The following CLNK variants were observed in gnomAD, a reference collection of about 807,000 sequenced individuals.
The protein encoded by CLNK is cytokine dependent hematopoietic cell linker, also known as cytokine-dependent hematopoietic cell linker.
A neutral mutation model predicts 68.6 loss-of-function variants in CLNK; 74 were observed. That is an observed-to-expected ratio of 1.08 (90% confidence interval 0.89 to 1.31). CLNK has a LOEUF of 1.31. CLNK is among the 50% of genes most tolerant of loss of function. The probability of loss-of-function intolerance (pLI) is 0.00; values close to 1 mark genes in which losing one functional copy is unlikely to be tolerated. For missense variants in CLNK, 553 were observed against 515.3 expected, an observed-to-expected ratio of 1.07 and a Z score of -0.71; for synonymous variants, 198 against 172.2, an observed-to-expected ratio of 1.15 and a Z score of -1.17.
At chr4:10,596,467 G>C (rs1318282605) in intron 3 of CLNK, among the ~76,000 whole-genome samples, 1 of 152,154 alleles carries the variant, frequency 6.6e-6, no homozygotes, top group Non-Finnish European at 1.5e-5. Flanking sequence ...CCCATAAGTA[G>C]CTTCTTCCTT....
intron 4 of CLNK, 41 bp from the exon 5 acceptor site, chr4:10,571,819 G>A: frequency 1.3e-6 from 2 of 1,544,912 alleles, no homozygotes; most frequent in Non-Finnish European, 1.8e-6. Flanking sequence ...TAATCACTGT[G>A]GTAGCTCCAA....
rs1193724657 is a variant in CLNK, at chr4:10,579,742, G to A, written c.112+5185C>T. On this transcript the variant is annotated intron_variant, in intron 4 of 18. Transcript: ENST00000226951. ...ACCCAAACTTGGTGATTCCCACCCT[G>A]TTCTTCTTGCCCTTGTCCCCACATG... is the stretch of plus-strand genomic sequence containing the variant. Among the ~76,000 whole-genome samples the A allele has an allele frequency of 2.0e-5, 3 of 152,192 alleles. 1 individual carries two copies. Among genetic ancestry groups the A allele is most frequent in the Admixed American group, 2.0e-4 (3 of 15,274 alleles).
the CLNK span, among the ~76,000 whole-genome samples, chr4:10,699,519 T>G: frequency 7.5e-6 from 1 of 132,988 alleles, no homozygotes; most frequent in South Asian, 2.4e-4. Context: ...TATATTTTTT[T>G]TTTTTTTTTT....
In CLNK at chr4:10,489,661, C is replaced by T. The variant is rs1055007803; in HGVS notation, c.*806G>A. 1.0e-5 allele frequency: 1 copy of T among 96,964 alleles called. No individual in the cohort carries two copies. The highest frequency in any genetic ancestry group is 2.3e-5 in the Non-Finnish European group (1 of 44,180). The allele number at this position is 96,964 out of a possible 1,614,324, so 6.0% of individuals were successfully genotyped here. A position where few individuals can be genotyped will look rare whatever the true frequency, so the allele number is the denominator to read the frequency against. On this transcript the variant is annotated 3_prime_UTR_variant, in exon 19 of 19. Transcript: ENST00000226951. ...ATAAAAGAGAGCTAATATTCACCAA[C>T]CCAACACCTTTTTTTTTTTTTGAGA...
intron 13 of CLNK, among the ~76,000 whole-genome samples, chr4:10,527,126 C>T (rs559577699): frequency 2.6e-5 from 4 of 152,174 alleles, no homozygotes; most frequent in Admixed American, 6.5e-5. Flanking sequence ...AGTATCTGCC[C>T]CTCTTGAGCT....
Position 10,592,042 on chromosome 4 carries a change from C to A in CLNK, c.83+5936G>T, listed in dbSNP as rs938524228. Reference sequence around the variant, plus strand: ...CGAGTGAGGCTCCCACCTCCTCAGACCCTGCCCTGCCGGGGCCTGTCTGGT... The same window carrying A: ...CGAGTGAGGCTCCCACCTCCTCAGAACCTGCCCTGCCGGGGCCTGTCTGGT... On this transcript the variant is annotated intron_variant, in intron 3 of 18. Transcript: ENST00000226951. 3.9e-5 allele frequency among the ~76,000 whole-genome samples: 6 copies of A among 152,236 alleles called. No individual in the cohort carries two copies. The East Asian group carries it at 1.2e-3, about 29-fold the overall frequency.
chr4:10,657,858 C>T (rs1724042653), intron 2 of CLNK, among the ~76,000 whole-genome samples: 1 of 152,180 alleles, frequency 6.6e-6, no homozygotes. Flanking sequence ...CAAATTCCAC[C>T]ATCTATCCTA....
chr4:10,670,085 T>A (rs1028249805), intron 1 of CLNK, among the ~76,000 whole-genome samples: 3 of 152,238 alleles, frequency 2.0e-5, no homozygotes, highest in Admixed American at 2.0e-4. Context: ...AGTATCAATA[T>A]CTTTCTTTTA....
At chr4:10,667,804 C>T in intron 2 of CLNK, 55 bp downstream of exon 2, 1 of 1,525,710 alleles carries the variant, frequency 6.6e-7, no homozygotes, top group Non-Finnish European at 8.9e-7. Flanking sequence ...GAAAACACCT[C>T]CTGTCCCCAC....
At chr4:10,565,664 C>A (rs1369870463) in intron 6 of CLNK, among the ~76,000 whole-genome samples, 1 of 152,118 alleles carries the variant, frequency 6.6e-6, no homozygotes, top group African/African-American at 2.4e-5. Flanking sequence ...GTCCACCCTC[C>A]GTTATGCTCA....
At chr4:10,705,748 T>G in the CLNK span, among the ~76,000 whole-genome samples, 3 of 152,232 alleles carry the variant, frequency 2.0e-5, no homozygotes, top group Non-Finnish European at 4.4e-5. Flanking sequence ...GCAACCTTAA[T>G]TCTCTTTTGT....
intron 8 of CLNK, among the ~76,000 whole-genome samples, chr4:10,549,269 C>T (rs1305134503): frequency 4.6e-5 from 7 of 152,148 alleles, no homozygotes; most frequent in African/African-American, 7.2e-5. Context: ...ACTTAAGGAA[C>T]TTTGCAGGTG....
chr4:10,493,112 T>A (rs2109017006), intron 18 of CLNK, among the ~76,000 whole-genome samples: 1 of 152,096 alleles, frequency 6.6e-6, no homozygotes, highest in East Asian at 1.9e-4. Flanking sequence ...AGGTCAGGAG[T>A]TCGAGGCCAG....
intron 4 of CLNK, among the ~76,000 whole-genome samples, chr4:10,579,857 G>A (rs936175945): frequency 6.6e-6 from 1 of 152,152 alleles, no homozygotes; most frequent in African/African-American, 2.4e-5. Context: ...TAGGGTAGGA[G>A]GGCCAGTTTT....
At chr4:10,537,745 T>TTCTTTCTTTCTTTCTTTCTTCC (rs372646660) in intron 11 of CLNK, among the ~76,000 whole-genome samples, 1 of 37,164 alleles carries the variant, frequency 2.7e-5, no homozygotes, top group African/African-American at 8.0e-5. Flanking sequence ...CTTCCTTTCT[T>TTCTTTCTTTCTTTCTTTCTTCC]TTTCTTTCTT....
intron 15 of CLNK, among the ~76,000 whole-genome samples, chr4:10,518,392 T>C (rs896520602): frequency 9.2e-5 from 14 of 152,142 alleles, no homozygotes; most frequent in Admixed American, 8.5e-4. Flanking sequence ...TTTAAGCAGG[T>C]AGTCAATAAA....
chr4:10,673,775 C>A (rs1214745728), intron 1 of CLNK, among the ~76,000 whole-genome samples: 1 of 151,642 alleles, frequency 6.6e-6, no homozygotes, highest in Non-Finnish European at 1.5e-5. Context: ...GAAGGGGAGG[C>A]AGGACTTGTA....
At chr4:10,540,694 T>A (rs1718978785) in intron 10 of CLNK, 90 bp from the exon 11 acceptor site, 1 of 863,980 alleles carries the variant, frequency 1.2e-6, no homozygotes, top group South Asian at 1.5e-5. Flanking sequence ...GCCCTCCGTG[T>A]CCCCAGCTTT....
chr4:10,734,539 C>T, the CLNK span, among the ~76,000 whole-genome samples: 17 of 152,200 alleles, frequency 1.1e-4, no homozygotes, highest in Admixed American at 9.2e-4. Context: ...ATTGAAGACA[C>T]AGCAATTTAG....
Sources: allele counts gnomAD v4.1 joint callset (sites outside exome capture counted in the v4.1 genomes callset), GRCh38; gene constraint gnomAD v4.1.1; transcripts MANE v1.5; gene names NCBI Gene and HGNC (gene_info 2026-07-23, HGNC 2026-07-21).